KCNIP4: variants seen among roughly 807,000 people sequenced by gnomAD.
KCNIP4 encodes the protein potassium voltage-gated channel interacting protein 4, also known as Kv channel-interacting protein 4.
KCNIP4 carries 12 observed loss-of-function variants against 34.0 expected under a neutral mutation model. The observed-to-expected ratio is 0.35, with a 90% CI of 0.23 to 0.57. The LOEUF is 0.57. Among genes scored for constraint, KCNIP4 ranks in the 20% least tolerant of loss-of-function variants. KCNIP4 has a pLI of 0.83. For synonymous variants in KCNIP4, 124 were observed against 102.2 expected (o/e 1.21, Z -1.29); for missense variants, 238 against 311.7 (o/e 0.76, Z 1.78).
intron 1 of KCNIP4, among the ~76,000 whole-genome samples, chr4:21,915,330 A>C (rs1728569735): frequency 6.6e-6 from 1 of 152,208 alleles, no homozygotes; most frequent in African/African-American, 2.4e-5. Flanking sequence ...GAAGCATATA[A>C]AGAAGAGGAC....
At chr4:21,243,789 A>G (rs1234932192) in intron 1 of KCNIP4, among the ~76,000 whole-genome samples, 1 of 152,178 alleles carries the variant, frequency 6.6e-6, no homozygotes, top group African/African-American at 2.4e-5. Context: ...ACTGATGATT[A>G]CAAAACCAAA....
chr4:20,953,818 C>A (rs1733032337), intron 1 of KCNIP4, among the ~76,000 whole-genome samples: 1 of 152,170 alleles, frequency 6.6e-6, no homozygotes. Flanking sequence ...GAACTCTTCT[C>A]CATGAAGAGC....
intron 1 of KCNIP4, among the ~76,000 whole-genome samples, chr4:21,698,122 C>G (rs908087680): frequency 2.0e-5 from 3 of 152,150 alleles, no homozygotes; most frequent in Admixed American, 2.0e-4. Flanking sequence ...ACAGACTTGA[C>G]GATTTACCAC....
At chr4:21,405,276 C>T (rs1306464246) in intron 1 of KCNIP4, among the ~76,000 whole-genome samples, 1 of 152,170 alleles carries the variant, frequency 6.6e-6, no homozygotes, top group Non-Finnish European at 1.5e-5. Context: ...TCTCTCTCCC[C>T]CACTGCAAAA....
At chr4:21,016,146 G>T (rs1739523146) in intron 1 of KCNIP4, among the ~76,000 whole-genome samples, 1 of 150,824 alleles carries the variant, frequency 6.6e-6, no homozygotes, top group Non-Finnish European at 1.5e-5. Context: ...CTGTCCATAT[G>T]AATTGACAGC....
In KCNIP4 at chr4:21,176,498, C is replaced by T. The variant is rs138357296; in HGVS notation, c.62-293789G>A. On this transcript the variant is annotated intron_variant, in intron 1 of 8. Coordinates refer to ENST00000382152, the MANE Select transcript of KCNIP4 (RefSeq NM_025221.6). Reference sequence around the variant, plus strand: ...TCACTGGATTCTAACATTTATATGGCCTGTTCTAGCTCTATTTATTTTTTA... The same window carrying T: ...TCACTGGATTCTAACATTTATATGGTCTGTTCTAGCTCTATTTATTTTTTA... Among the ~76,000 whole-genome samples, 1,078 of 152,180 alleles carry T rather than the reference C, an allele frequency of 7.1e-3. 43 individuals carry two copies. The highest frequency in any genetic ancestry group is 0.06 in the Admixed American group (924 of 15,292).
intron 1 of KCNIP4, among the ~76,000 whole-genome samples, chr4:21,407,938 T>G (rs940266116): frequency 2.3e-4 from 35 of 152,176 alleles, no homozygotes; most frequent in Non-Finnish European, 1.2e-4. Context: ...CATTGCAACA[T>G]TGGCCAAACT....
intron 1 of KCNIP4, among the ~76,000 whole-genome samples, chr4:21,936,484 G>A (rs369614640): frequency 4.1e-4 from 63 of 152,118 alleles, no homozygotes; most frequent in East Asian, 4.1e-3. Context: ...TATTAGCAGC[G>A]TGAGAACAGA....
chr4:21,295,488 C>T (rs1023465833), intron 1 of KCNIP4, among the ~76,000 whole-genome samples: 2 of 152,078 alleles, frequency 1.3e-5, no homozygotes, highest in Admixed American at 6.5e-5. Flanking sequence ...CCTTGGCTCT[C>T]CCTCCATTGC....
chr4:21,883,831 C>T (rs1726602282), intron 1 of KCNIP4, among the ~76,000 whole-genome samples: 1 of 152,070 alleles, frequency 6.6e-6, no homozygotes, highest in East Asian at 1.9e-4. Flanking sequence ...ATGAAACAAC[C>T]TTCAAATCGA....
chr4:21,019,739 T>A (rs1430251146), intron 1 of KCNIP4, among the ~76,000 whole-genome samples: 3 of 152,144 alleles, frequency 2.0e-5, no homozygotes, highest in Non-Finnish European at 4.4e-5. Context: ...AAAAAAATCC[T>A]CCCAATTTAC....
At chr4:21,451,492 T>A (rs1728502906) in intron 1 of KCNIP4, among the ~76,000 whole-genome samples, 1 of 152,188 alleles carries the variant, frequency 6.6e-6, no homozygotes, top group Non-Finnish European at 1.5e-5. Context: ...TGGCCCTTGA[T>A]TTTTCTCATT....
intron 5 of KCNIP4, among the ~76,000 whole-genome samples, chr4:20,747,895 T>G (rs1019200867): frequency 6.6e-6 from 1 of 152,210 alleles, no homozygotes; most frequent in African/African-American, 2.4e-5. Flanking sequence ...TTCACCCAGA[T>G]AGCTGCCTAC....
intron 1 of KCNIP4, among the ~76,000 whole-genome samples, chr4:21,007,697 G>T (rs1020976483): frequency 6.6e-6 from 1 of 152,098 alleles, no homozygotes; most frequent in Middle Eastern, 3.2e-3. Flanking sequence ...ATTTAATGGC[G>T]CTCTGAATAC....
chr4:21,051,595 T>C (rs1347762980), intron 1 of KCNIP4, among the ~76,000 whole-genome samples: 1 of 152,136 alleles, frequency 6.6e-6, no homozygotes, highest in Non-Finnish European at 1.5e-5. Flanking sequence ...TTACACATAA[T>C]AGACAATTCT....
At chr4:21,946,271 C>A (rs114694233) in intron 1 of KCNIP4, among the ~76,000 whole-genome samples, 1,676 of 151,886 alleles carry the variant, frequency 0.011, 34 homozygotes, top group African/African-American at 0.037. Context: ...CTATCATCCA[C>A]CTACATTTCT....
At chr4:20,868,083 C>T (rs964115562) in intron 2 of KCNIP4, among the ~76,000 whole-genome samples, 24 of 151,796 alleles carry the variant, frequency 1.6e-4, no homozygotes, top group African/African-American at 5.6e-4. Context: ...AGAAGATATT[C>T]ACAAATGATG....
At chr4:21,505,452 C>A (rs1733763499) in intron 1 of KCNIP4, among the ~76,000 whole-genome samples, 1 of 152,156 alleles carries the variant, frequency 6.6e-6, no homozygotes, top group African/African-American at 2.4e-5. Flanking sequence ...TTGAACTATT[C>A]TAGTTTTCTG....
At chr4:20,950,857 T>G (rs1732709744) in intron 1 of KCNIP4, among the ~76,000 whole-genome samples, 1 of 152,144 alleles carries the variant, frequency 6.6e-6, no homozygotes, top group African/African-American at 2.4e-5. Context: ...TCTCTGCTGT[T>G]TTTGCTTACC....
Sources: gnomAD v4.1 joint callset for allele counts (sites outside exome capture counted in the v4.1 genomes callset) on GRCh38, gnomAD v4.1.1 for gene constraint, MANE v1.5 for transcripts, NCBI Gene and HGNC (gene_info 2026-07-23, HGNC 2026-07-21) for gene names.